PTPRA: variants seen among roughly 807,000 people sequenced by gnomAD.
The protein encoded by PTPRA is receptor-type tyrosine-protein phosphatase alpha.
Under a neutral mutation model 104.8 loss-of-function variants are expected in PTPRA, and 25 were observed. That is an observed-to-expected ratio of 0.24 (90% CI 0.17 to 0.33). PTPRA has a LOEUF of 0.33. Ranked by LOEUF, PTPRA falls within the 10% of genes least tolerant of loss-of-function variation. The pLI, the probability that PTPRA is intolerant of heterozygous loss-of-function variation, is 1.00. For missense variants in PTPRA, 765 were observed against 1,015.3 expected, an observed-to-expected ratio of 0.75 and a Z score of 3.35; for synonymous variants, 323 against 368.9, an observed-to-expected ratio of 0.88 and a Z score of 1.43.
intron 1 of PTPRA, among the ~76,000 whole-genome samples, chr20:2,884,729 T>G (rs1264604197): frequency 6.6e-6 from 1 of 152,186 alleles, no homozygotes; most frequent in African/African-American, 2.4e-5. Context: ...TTCAGCTGTT[T>G]GCGTGGACAT....
At chr20:2,970,011 C>T (rs1036705555) in intron 5 of PTPRA, among the ~76,000 whole-genome samples, 2 of 144,762 alleles carry the variant, frequency 1.4e-5, no homozygotes, top group East Asian at 2.0e-4. Context: ...TTTACAAAAG[C>T]ATATATATTC....
intron 6 of PTPRA, among the ~76,000 whole-genome samples, chr20:2,984,638 G>C (rs780387577): frequency 2.0e-5 from 3 of 152,184 alleles, no homozygotes; most frequent in African/African-American, 2.4e-5. Flanking sequence ...CGATGACATA[G>C]TGTTTCTCAT....
intron 1 of PTPRA, among the ~76,000 whole-genome samples, chr20:2,892,523 G>A (rs57368602): frequency 0.016 from 2,366 of 152,100 alleles, 128 homozygotes; most frequent in Admixed American, 0.091. Context: ...CATGGTGCTG[G>A]GCAGAAGCAT....
At chr20:2,877,854 G>A (rs1184464679) in intron 1 of PTPRA, among the ~76,000 whole-genome samples, 1 of 152,062 alleles carries the variant, frequency 6.6e-6, no homozygotes, top group East Asian at 1.9e-4. Flanking sequence ...TTAAGTATTT[G>A]TTCATTTAAA....
upstream of PTPRA, among the ~76,000 whole-genome samples, chr20:2,869,171 G>GCATCTTACTATATCACACATCTGTT (rs1379207737): frequency 7.5e-4 from 114 of 152,244 alleles, no homozygotes; most frequent in African/African-American, 2.6e-3. Flanking sequence ...TCTACCATTA[G>GCATCTTACTATATCACACATCTGTT]CATCTTACTA....
At chr20:3,027,062 C>A in intron 18 of PTPRA, 59 bp from the exon 19 acceptor site, 1 of 1,559,510 alleles carries the variant, frequency 6.4e-7, no homozygotes, top group Non-Finnish European at 8.8e-7. Context: ...GGGAGCAATG[C>A]AAGGAGAGGG....
chr20:2,941,364 A>G (rs2060914619), intron 2 of PTPRA, among the ~76,000 whole-genome samples: 1 of 152,150 alleles, frequency 6.6e-6, no homozygotes, highest in Admixed American at 6.5e-5. Context: ...ACTGGATGGC[A>G]TCTGTTAGGT....
chr20:2,865,334 G>T, the PTPRA span: 4 of 1,614,140 alleles, frequency 2.5e-6, no homozygotes, highest in Non-Finnish European at 1.7e-6. The surrounding 1 kb of genome is among the most constrained non-coding windows in gnomAD (Gnocchi z 5.2). Flanking sequence ...GAGGGCCCAG[G>T]CTGCATGTGG....
intron 9 of PTPRA, among the ~76,000 whole-genome samples, chr20:2,994,702 T>C (rs546110399): frequency 8.5e-5 from 13 of 152,338 alleles, no homozygotes; most frequent in Non-Finnish European, 1.6e-4. Context: ...GGCTTTTCAT[T>C]ATCACCTCAC....
At chr20:2,877,748 C>T (rs746148457) in intron 1 of PTPRA, among the ~76,000 whole-genome samples, 5 of 152,176 alleles carry the variant, frequency 3.3e-5, no homozygotes, top group Non-Finnish European at 5.9e-5. Flanking sequence ...CCATTTGTGT[C>T]AGTGTACAAG....
chr20:2,934,163 G>A (rs1428996946), intron 2 of PTPRA, among the ~76,000 whole-genome samples: 1 of 152,106 alleles, frequency 6.6e-6, no homozygotes, highest in African/African-American at 2.4e-5. Flanking sequence ...GAGTACAGTG[G>A]CACAATCATG....
chr20:2,885,780 T>C (rs1056609828), intron 1 of PTPRA, among the ~76,000 whole-genome samples: 1 of 152,162 alleles, frequency 6.6e-6, no homozygotes, highest in African/African-American at 2.4e-5. Context: ...TAAAAAAGAC[T>C]TGAGGCTGGG....
In PTPRA at chr20:3,022,653, T is replaced by C; in HGVS notation, c.1329-36T>C. 6.2e-7 allele frequency: 1 copy of C among 1,612,332 alleles called. No individual in the cohort carries two copies. Among genetic ancestry groups the C allele is most frequent in the Non-Finnish European group, 8.5e-7 (1 of 1,178,700 alleles). On this transcript the variant is annotated intron_variant, in intron 15 of 23. Coordinates refer to ENST00000399903, the MANE Select transcript of PTPRA (RefSeq NM_001385305.1). This position sits in a 1 kb window ranked among gnomAD's most constrained non-coding sequence, Gnocchi z 4.6. ...CCCTATCTGCTCCCACAAGGCAGGCTGGCCATCCCTATAACCCCCTGCTCT... is the reference window on the plus strand; with the variant it reads ...CCCTATCTGCTCCCACAAGGCAGGCCGGCCATCCCTATAACCCCCTGCTCT...
intron 11 of PTPRA, 122 bp downstream of exon 11, chr20:3,007,542 G>A: frequency 9.2e-7 from 1 of 1,083,730 alleles, no homozygotes; most frequent in Non-Finnish European, 1.3e-6. Context: ...GACAAGTCTG[G>A]TTTTTTTAAG....
At chr20:3,021,265 GC>G in intron 13 of PTPRA, 43 bp from the exon 14 acceptor site, 1 of 1,611,880 alleles carries the variant, frequency 6.2e-7, no homozygotes, top group Non-Finnish European at 8.5e-7. Flanking sequence ...TCTGCCATGG[GC>G]AGGAGGTCTA....
chr20:2,906,057 CTG>C (rs956757102), intron 1 of PTPRA, among the ~76,000 whole-genome samples: 23 of 151,976 alleles, frequency 1.5e-4, no homozygotes, highest in Non-Finnish European at 7.4e-5. Flanking sequence ...TTTAAAGAAA[CTG>C]AAATTTGAAA....
chr20:2,928,979 G>A (rs1016446227), intron 2 of PTPRA, among the ~76,000 whole-genome samples: 5 of 151,686 alleles, frequency 3.3e-5, no homozygotes, highest in Non-Finnish European at 7.4e-5. Flanking sequence ...ATAGGCATGC[G>A]CTACTACACC....
intron 5 of PTPRA, among the ~76,000 whole-genome samples, chr20:2,966,712 T>C (rs1018231196): frequency 1.3e-5 from 2 of 152,356 alleles, no homozygotes; most frequent in Admixed American, 1.3e-4. Context: ...GAAAGTATTT[T>C]ACAATGATGA....
chr20:3,036,719 C>T (rs2065817312), intron 22 of PTPRA, among the ~76,000 whole-genome samples: 1 of 152,218 alleles, frequency 6.6e-6, no homozygotes, highest in Non-Finnish European at 1.5e-5. Flanking sequence ...AGGTCAGAGT[C>T]TGGATTCCGT....
Sources: allele counts gnomAD v4.1 joint callset (sites outside exome capture counted in the v4.1 genomes callset), GRCh38; gene constraint gnomAD v4.1.1; non-coding constraint Gnocchi (gnomAD v3.1); transcripts MANE v1.5; gene names NCBI Gene and HGNC (gene_info 2026-07-23, HGNC 2026-07-21).